The following CTNNA2 variants were observed in gnomAD, a reference collection of about 807,000 sequenced individuals.
CTNNA2 encodes catenin alpha-2.
CTNNA2 carries 42 observed loss-of-function variants against 101.0 expected under a neutral mutation model. That is an observed-to-expected ratio of 0.42 (90% CI 0.32 to 0.54). The LOEUF (loss-of-function observed/expected upper bound fraction) is 0.54. Ranked by LOEUF, CTNNA2 falls within the 20% of genes least tolerant of loss-of-function variation. CTNNA2 has a pLI of 0.14. For synonymous variants in CTNNA2, 450 were observed against 456.4 expected (o/e 0.99, Z 0.18); for missense variants, 871 against 1,223.1 (o/e 0.71, Z 4.29).
intron 7 of CTNNA2, among the ~76,000 whole-genome samples, chr2:80,358,084 G>T (rs1674014876): frequency 6.6e-6 from 1 of 152,028 alleles, no homozygotes; most frequent in Non-Finnish European, 1.5e-5. Context: ...AACGTCTATA[G>T]CCTTTTTGTG....
At chr2:79,762,040 G>A (rs1469849207) in intron 3 of CTNNA2, among the ~76,000 whole-genome samples, 1 of 152,138 alleles carries the variant, frequency 6.6e-6, no homozygotes, top group African/African-American at 2.4e-5. Flanking sequence ...AGAAAAGCAA[G>A]GCAGAAGGGC....
intron 9 of CTNNA2, among the ~76,000 whole-genome samples, chr2:80,501,701 G>A (rs141458658): frequency 9.9e-4 from 150 of 152,260 alleles, no homozygotes; most frequent in African/African-American, 3.5e-3. Flanking sequence ...GGGAGTGGGG[G>A]AAGCAAAATT....
intron 9 of CTNNA2, among the ~76,000 whole-genome samples, chr2:80,467,275 A>G (rs1684938292): frequency 6.6e-6 from 1 of 152,202 alleles, no homozygotes; most frequent in African/African-American, 2.4e-5. Context: ...AGAGAAAATA[A>G]GAAAGATAAG....
At chr2:80,372,140 T>C (rs894500683) in intron 7 of CTNNA2, among the ~76,000 whole-genome samples, 2 of 152,126 alleles carry the variant, frequency 1.3e-5, no homozygotes, top group East Asian at 1.9e-4. Flanking sequence ...AGGTGTGAGA[T>C]GATTGGATTT....
At chr2:79,288,313 G>C (rs988100450) in intron 2 of CTNNA2, among the ~76,000 whole-genome samples, 2 of 152,196 alleles carry the variant, frequency 1.3e-5, no homozygotes, top group African/African-American at 2.4e-5. Context: ...TTTACCATCT[G>C]TTTGAGTTAT....
In CTNNA2 at chr2:79,670,557, G is replaced by C. The variant is rs373223681; in HGVS notation, c.102+18899G>C. 5.1e-4 allele frequency among the ~76,000 whole-genome samples: 78 copies of C among 152,310 alleles called. No homozygotes were observed. The East Asian group carries it at 0.014, about 28-fold the overall frequency. On this transcript the variant is annotated intron_variant, in intron 2 of 18. Coordinates refer to ENST00000402739, the MANE Select transcript of CTNNA2 (RefSeq NM_001282597.3). ...CCATTATTAACAGGCTGAAATAAAT[G>C]AAGAAATAAATATAATAATAATTGT...
chr2:80,610,907 G>A (rs977728466), intron 17 of CTNNA2, among the ~76,000 whole-genome samples: 7 of 151,480 alleles, frequency 4.6e-5, no homozygotes, highest in Non-Finnish European at 1.0e-4. Flanking sequence ...TCATGACGGC[G>A]ATCTGGAGAA....
At chr2:79,707,080 G>A (rs926635500) in intron 2 of CTNNA2, among the ~76,000 whole-genome samples, 3 of 152,100 alleles carry the variant, frequency 2.0e-5, no homozygotes, top group Non-Finnish European at 4.4e-5. Context: ...GCATTTTTAT[G>A]AATCATGGAA....
At chr2:80,290,636 A>G (rs1325740495) in intron 7 of CTNNA2, among the ~76,000 whole-genome samples, 2 of 151,948 alleles carry the variant, frequency 1.3e-5, no homozygotes, top group African/African-American at 2.4e-5. Flanking sequence ...TGAAATCTTA[A>G]TACCACAGAT....
At chr2:79,547,180 A>G (rs1157463528) in intron 1 of CTNNA2, 1 of 152,168 alleles carries the variant, frequency 6.6e-6, no homozygotes, top group Admixed American at 6.6e-5. Context: ...TTGATGCAAA[A>G]TAAATGTATT....
intron 4 of CTNNA2, among the ~76,000 whole-genome samples, chr2:79,404,369 G>A (rs1156329005): frequency 2.0e-5 from 3 of 151,854 alleles, no homozygotes; most frequent in South Asian, 2.1e-4. Context: ...TTTATTTGCC[G>A]ATTCACCAAG....
chr2:80,644,079 G>A (rs1292340524), intron 18 of CTNNA2, among the ~76,000 whole-genome samples: 1 of 152,136 alleles, frequency 6.6e-6, no homozygotes, highest in Non-Finnish European at 1.5e-5. Flanking sequence ...ATCAAGTGAT[G>A]CTTCGGGGGA....
At chr2:79,855,174 T>C (rs1025006134) in intron 3 of CTNNA2, among the ~76,000 whole-genome samples, 1 of 152,144 alleles carries the variant, frequency 6.6e-6, no homozygotes, top group Admixed American at 6.5e-5. Context: ...CAGATGGCAT[T>C]TTCTAATGTG....
chr2:79,854,006 C>T (rs1680934857), intron 3 of CTNNA2, among the ~76,000 whole-genome samples: 1 of 152,146 alleles, frequency 6.6e-6, no homozygotes, highest in Non-Finnish European at 1.5e-5. Context: ...TACTGGCATG[C>T]ATCATTCCAC....
intron 1 of CTNNA2, among the ~76,000 whole-genome samples, chr2:79,592,261 C>A (rs1003791241): frequency 7.3e-5 from 11 of 151,650 alleles, no homozygotes; most frequent in Middle Eastern, 3.2e-3. Context: ...GCTGGGATTA[C>A]AGGTGCCCAA....
intron 7 of CTNNA2, among the ~76,000 whole-genome samples, chr2:80,196,696 A>T (rs1484903072): frequency 1.3e-5 from 2 of 151,882 alleles, no homozygotes; most frequent in Non-Finnish European, 2.9e-5. Context: ...ACTTCTATGA[A>T]GCCGTTCTCT....
At chr2:79,270,020 T>G (rs894982014) in intron 2 of CTNNA2, among the ~76,000 whole-genome samples, 4 of 152,128 alleles carry the variant, frequency 2.6e-5, no homozygotes, top group African/African-American at 9.7e-5. Context: ...CTTCTTGCTC[T>G]CCCCACTTAT....
chr2:79,535,347 G>C (rs1672990647), intron 1 of CTNNA2, among the ~76,000 whole-genome samples: 2 of 151,906 alleles, frequency 1.3e-5, no homozygotes, highest in Admixed American at 6.6e-5. Flanking sequence ...TGGGATTATA[G>C]GCCCCTGCCA....
intron 7 of CTNNA2, among the ~76,000 whole-genome samples, chr2:80,129,392 C>T (rs964620996): frequency 1.3e-5 from 2 of 152,178 alleles, no homozygotes; most frequent in African/African-American, 2.4e-5. Context: ...GTCAACTGCT[C>T]TTCACAGCAG....
Sources: allele counts gnomAD v4.1 joint callset (sites outside exome capture counted in the v4.1 genomes callset), GRCh38; gene constraint gnomAD v4.1.1; transcripts MANE v1.5; gene names NCBI Gene and HGNC (gene_info 2026-07-23, HGNC 2026-07-21).